The following NYAP2 variants were observed in gnomAD, a reference collection of about 807,000 sequenced individuals.
NYAP2 encodes the protein neuronal tyrosine-phosphorylated phosphoinositide-3-kinase adapter 2.
Under a neutral mutation model 50.4 loss-of-function variants are expected in NYAP2, and 23 were observed. The observed-to-expected ratio is 0.46, with a 90% CI of 0.33 to 0.65. The LOEUF is 0.65. Among genes scored for constraint, NYAP2 ranks in the 30% least tolerant of loss-of-function variants. The probability of loss-of-function intolerance (pLI) is 0.02; values close to 1 mark genes in which losing one functional copy is unlikely to be tolerated. For synonymous variants in NYAP2, 394 were observed against 365.2 expected (o/e 1.08, Z -0.90); for missense variants, 885 against 861.0 (o/e 1.03, Z -0.35).
the NYAP2 span, among the ~76,000 whole-genome samples, chr2:225,687,716 T>A: frequency 1.3e-5 from 2 of 152,198 alleles, no homozygotes; most frequent in Non-Finnish European, 2.9e-5. Flanking sequence ...ATGGATAGAC[T>A]GTACTTGAAA....
intron 3 of NYAP2, 121 bp downstream of exon 3, chr2:225,409,222 G>T (rs1030750201): frequency 5.8e-6 from 4 of 695,024 alleles, no homozygotes; most frequent in Non-Finnish European, 9.4e-6. Flanking sequence ...GACTTGGTGA[G>T]AGCATATGAA....
intron 6 of NYAP2, among the ~76,000 whole-genome samples, chr2:225,641,336 T>C (rs1693526022): frequency 6.6e-6 from 1 of 151,954 alleles, no homozygotes; most frequent in Non-Finnish European, 1.5e-5. Context: ...AGACTAGTTC[T>C]GGAAGTTTTG....
Position 225,582,915 on chromosome 2 carries a change from G to C in NYAP2, c.1498G>C (p.Gly500Arg), listed in dbSNP as rs776522331. 6.2e-7 allele frequency: 1 copy of C among 1,613,080 alleles called. No individual in the cohort carries two copies. Among genetic ancestry groups the C allele is most frequent in the South Asian group, 1.1e-5 (1 of 91,068 alleles). The change falls in exon 5 of 7, where the codon GGT (glycine) becomes CGT (arginine). Residue 500 changes from glycine to arginine, a missense_variant. By Grantham distance (125) the Gly-to-Arg change is moderately radical. Transcript: ENST00000636099. This position sits in a 1 kb window ranked among gnomAD's most constrained non-coding sequence, Gnocchi z 7.0. ...GGTGAACACCTACGGGGCAGCCCCG[G>C]GTGGCTCCCGGTCCCGGACACCCAC... is the stretch of plus-strand genomic sequence containing the variant.
intron 5 of NYAP2, among the ~76,000 whole-genome samples, chr2:225,583,350 T>C (rs1692333920): frequency 6.6e-6 from 1 of 152,168 alleles, no homozygotes; most frequent in African/African-American, 2.4e-5. Context: ...TAGGGACCAC[T>C]ATGGAATTTT....
chr2:225,622,557 CTTTTTCTTTCTTTCTTTCTTTCT>C (rs1693132781), intron 5 of NYAP2, among the ~76,000 whole-genome samples: 1 of 48,664 alleles, frequency 2.1e-5, no homozygotes, highest in Non-Finnish European at 3.9e-5. Context: ...TTCTTTCTTT[CTTTTTCTTTCTTTCTTTCTTTCT>C]TCTTTCTTTT....
At chr2:225,605,592 T>C (rs571516090) in intron 5 of NYAP2, among the ~76,000 whole-genome samples, 1 of 152,220 alleles carries the variant, frequency 6.6e-6, no homozygotes, top group African/African-American at 2.4e-5. Flanking sequence ...TTGGTTGTGG[T>C]TGTGCTTGTT....
intron 5 of NYAP2, among the ~76,000 whole-genome samples, chr2:225,624,492 GT>G (rs1693174703): frequency 6.6e-6 from 1 of 152,152 alleles, no homozygotes; most frequent in South Asian, 2.1e-4. Flanking sequence ...TACATGGGTG[GT>G]TGTTTAGCTT....
chr2:225,642,760 G>A (rs1574726315), intron 6 of NYAP2, among the ~76,000 whole-genome samples: 1 of 152,136 alleles, frequency 6.6e-6, no homozygotes, highest in Admixed American at 6.6e-5. Flanking sequence ...TGGTGATACT[G>A]TTCTCTGAAG....
At chr2:225,590,915 C>T (rs1692490241) in intron 5 of NYAP2, among the ~76,000 whole-genome samples, 3 of 152,306 alleles carry the variant, frequency 2.0e-5, no homozygotes, top group East Asian at 1.9e-4. Context: ...TTAGCTGTGC[C>T]GAGTGTGTGC....
At chr2:225,406,555 C>T (rs1315249633) in intron 2 of NYAP2, among the ~76,000 whole-genome samples, 1 of 151,818 alleles carries the variant, frequency 6.6e-6, no homozygotes, top group African/African-American at 2.4e-5. Flanking sequence ...ACGTGCTCAA[C>T]AAATACTTGA....
exon 7 of NYAP2, chr2:225,652,591 G>A (rs911663316): frequency 6.6e-6 from 1 of 152,160 alleles, no homozygotes; most frequent in Non-Finnish European, 1.5e-5. Flanking sequence ...TTACTGTTAA[G>A]TATTATAGGT....
At chr2:225,436,577 A>T (rs138717358) in intron 3 of NYAP2, among the ~76,000 whole-genome samples, 104 of 152,092 alleles carry the variant, frequency 6.8e-4, no homozygotes, top group African/African-American at 2.5e-3. Context: ...TATTGCAATG[A>T]CCTTATTTCC....
chr2:225,657,714 A>G (rs1693850680), downstream of NYAP2, among the ~76,000 whole-genome samples: 1 of 152,194 alleles, frequency 6.6e-6, no homozygotes, highest in Admixed American at 6.5e-5. Context: ...ATGAGCATAG[A>G]GATGACTTGT....
chr2:225,650,621 T>G (rs1206177225), intron 6 of NYAP2, among the ~76,000 whole-genome samples: 1 of 152,260 alleles, frequency 6.6e-6, no homozygotes, highest in Non-Finnish European at 1.5e-5. Context: ...GAAGCTGGAA[T>G]GTACTAGGCA....
intron 3 of NYAP2, among the ~76,000 whole-genome samples, chr2:225,483,107 T>C (rs1483406830): frequency 6.6e-6 from 1 of 152,214 alleles, no homozygotes; most frequent in Non-Finnish European, 1.5e-5. Context: ...TTTTAAATTG[T>C]TTAAAAAATT....
intron 5 of NYAP2, among the ~76,000 whole-genome samples, chr2:225,608,533 G>A (rs1325786575): frequency 6.6e-6 from 1 of 151,990 alleles, no homozygotes; most frequent in African/African-American, 2.4e-5. Flanking sequence ...TGTAAATTCA[G>A]GTCTCATTCT....
chr2:225,625,561 C>T (rs1009592638), intron 5 of NYAP2, among the ~76,000 whole-genome samples: 2 of 151,866 alleles, frequency 1.3e-5, no homozygotes, highest in African/African-American at 4.8e-5. Flanking sequence ...GTTAGTTAAG[C>T]AAAGAAACAC....
At chr2:225,464,833 G>A (rs1689891302) in intron 3 of NYAP2, among the ~76,000 whole-genome samples, 1 of 152,210 alleles carries the variant, frequency 6.6e-6, no homozygotes, top group Admixed American at 6.5e-5. Flanking sequence ...CATTGACTGA[G>A]CAGGTACCAG....
At chr2:225,695,994 T>C in the NYAP2 span, among the ~76,000 whole-genome samples, 2 of 151,886 alleles carry the variant, frequency 1.3e-5, no homozygotes, top group African/African-American at 4.8e-5. Context: ...GCTAGTAACT[T>C]TGATTTAATT....
Sources: allele counts gnomAD v4.1 joint callset (sites outside exome capture counted in the v4.1 genomes callset), GRCh38; gene constraint gnomAD v4.1.1; non-coding constraint Gnocchi (gnomAD v3.1); transcripts MANE v1.5; gene names NCBI Gene and HGNC (gene_info 2026-07-23, HGNC 2026-07-21).